Variants in FRMD4A observed in about 807,000 individuals in gnomAD.
The protein encoded by FRMD4A is FERM domain containing 4A, also known as FERM domain-containing protein 4A.
FRMD4A carries 29 observed loss-of-function variants against 129.1 expected under a neutral mutation model. That is an observed-to-expected ratio of 0.22 (90% confidence interval 0.17 to 0.31). The LOEUF is 0.31. FRMD4A is among the 10% of genes least tolerant of loss of function. The probability of loss-of-function intolerance (pLI) is 1.00; values close to 1 mark genes in which losing one functional copy is unlikely to be tolerated. For synonymous variants in FRMD4A, 634 were observed against 571.6 expected, an observed-to-expected ratio of 1.11 and a Z score of -1.56; for missense variants, 1,272 against 1,375.8, an observed-to-expected ratio of 0.92 and a Z score of 1.19.
chr10:13,659,361 G>A lies in FRMD4A; in HGVS notation c.2028C>T (p.Asp676=), dbSNP rs375459843. The A allele has an allele frequency of 6.2e-7, 1 of 1,614,178 alleles. No homozygotes were observed. The highest frequency in any genetic ancestry group is 2.2e-5 in the East Asian group (1 of 44,886). ...CGTAGTGGGGACTCCGGACCCGCAG[G>A]TCTGGCGTGGACGGCATGCTGGACT... is the stretch of plus-strand genomic sequence containing the variant. The part of the protein sequence containing the change: ...NSQSSMPSTP[D]LRVRSPHYVH... The change falls in exon 21 of 25, where the codon GAC becomes GAT. Residue 676 remains aspartate, a synonymous_variant. Transcript: ENST00000357447.
chr10:13,981,696 G>A (rs1298104247), intron 2 of FRMD4A, among the ~76,000 whole-genome samples: 3 of 141,302 alleles, frequency 2.1e-5, no homozygotes, highest in East Asian at 4.1e-4. Flanking sequence ...CCGAGATCAC[G>A]CCATTGCACT....
chr10:13,683,520 C>A (rs780091895), intron 15 of FRMD4A, among the ~76,000 whole-genome samples: 2 of 151,940 alleles, frequency 1.3e-5, no homozygotes, highest in Non-Finnish European at 2.9e-5. Context: ...TCCCTTGAAT[C>A]CGGGAGTTTG....
chr10:13,836,846 C>G (rs1362349373), intron 3 of FRMD4A, among the ~76,000 whole-genome samples: 1 of 150,960 alleles, frequency 6.6e-6, no homozygotes, highest in Admixed American at 6.6e-5. Flanking sequence ...CAAGCTCTGC[C>G]TCCTGGGTTC....
At chr10:14,181,698 T>C (rs997543950) in intron 2 of FRMD4A, among the ~76,000 whole-genome samples, 3 of 152,178 alleles carry the variant, frequency 2.0e-5, no homozygotes, top group African/African-American at 4.8e-5. Context: ...TACCATGAAT[T>C]TTTTTTATTT....
At chr10:13,875,206 G>T (rs1018690870) in intron 2 of FRMD4A, among the ~76,000 whole-genome samples, 2 of 152,160 alleles carry the variant, frequency 1.3e-5, no homozygotes, top group African/African-American at 4.8e-5. Context: ...ACAAAGAAGG[G>T]GGAGCTAATC....
Position 14,240,698 on chromosome 10 carries a change from T to C in FRMD4A, c.45+89360A>G, listed in dbSNP as rs144210485. Among the ~76,000 whole-genome samples, 432 of 152,320 alleles carry C rather than the reference T, an allele frequency of 2.8e-3. 2 individuals are homozygous for C. Among genetic ancestry groups the C allele is most frequent in the Non-Finnish European group, 4.6e-3 (313 of 68,028 alleles). On this transcript the variant is annotated intron_variant, in intron 2 of 24. Coordinates refer to ENST00000357447, the MANE Select transcript of FRMD4A (RefSeq NM_018027.5). ...ATTGAAACTGCCATTCGGAAGCTAT[T>C]GCACCTTCCACACAGGCAGTGAAAA...
At chr10:13,824,731 A>G (rs564796404) in intron 3 of FRMD4A, among the ~76,000 whole-genome samples, 4 of 151,902 alleles carry the variant, frequency 2.6e-5, no homozygotes, top group African/African-American at 9.7e-5. Flanking sequence ...CGTCTCTACT[A>G]AAAATACAAA....
intron 2 of FRMD4A, among the ~76,000 whole-genome samples, chr10:13,967,318 C>A (rs933990800): frequency 5.3e-5 from 8 of 151,422 alleles, no homozygotes. Context: ...GCCTGGGCGA[C>A]AGAGCGAGAC....
At chr10:14,207,782 T>C (rs1842828049) in intron 2 of FRMD4A, among the ~76,000 whole-genome samples, 1 of 152,036 alleles carries the variant, frequency 6.6e-6, no homozygotes, top group Admixed American at 6.6e-5. Flanking sequence ...GTGGGGTTAC[T>C]AGTGTTTTTT....
At chr10:13,663,265 G>A (rs1184327997) in intron 19 of FRMD4A, among the ~76,000 whole-genome samples, 188 bp downstream of exon 19, 1 of 150,652 alleles carries the variant, frequency 6.6e-6, no homozygotes, top group Non-Finnish European at 1.5e-5. Context: ...AATACACATG[G>A]GTTTATGCAG....
At position 13,968,556 on chromosome 10, in the gene FRMD4A, G is replaced by A. The variant is rs141267494; in HGVS notation, c.46-109644C>T. Among the ~76,000 whole-genome samples the A allele has an allele frequency of 7.9e-3, 1,205 of 152,280 alleles. 5 individuals are homozygous for A. The highest frequency in any genetic ancestry group is 0.012 in the Non-Finnish European group (814 of 68,016). On this transcript the variant is annotated intron_variant, in intron 2 of 24. Transcript: ENST00000357447. The stretch of plus-strand genomic sequence containing the variant: ...CAACCTCCACCTCCTGGGTTCAAGC[G>A]ATTCTCCCGCCTCAGCCTCCCGAGT...
At chr10:13,763,010 A>C (rs4748055) in intron 6 of FRMD4A, among the ~76,000 whole-genome samples, 107,659 of 151,992 alleles carry the variant, frequency 0.71, 39,501 homozygotes, top group East Asian at 0.96. Flanking sequence ...AAAAAGCCTT[A>C]TTTTCTGAGG....
At position 14,077,598 on chromosome 10, in the gene FRMD4A, T is replaced by C. The variant is rs11258853; in HGVS notation, c.46-218686A>G. Among the ~76,000 whole-genome samples the C allele has an allele frequency of 2.6e-4, 39 of 152,274 alleles. No homozygotes were observed. The East Asian group carries it at 6.8e-3, about 26-fold the overall frequency. ...TGAGTGGTGAGCGTTTTCCTTGCCCTGCTATTAAGAGGTCACTCGTGTCAA... is the reference window on the plus strand; with the variant it reads ...TGAGTGGTGAGCGTTTTCCTTGCCCCGCTATTAAGAGGTCACTCGTGTCAA... On this transcript the variant is annotated intron_variant, in intron 2 of 24. Transcript: ENST00000357447.
intron 2 of FRMD4A, among the ~76,000 whole-genome samples, chr10:14,031,751 C>T (rs979187731): frequency 6.6e-6 from 1 of 152,152 alleles, no homozygotes; most frequent in African/African-American, 2.4e-5. Context: ...ATGTTCTGCA[C>T]TTTGGACAAC....
At chr10:14,217,600 G>C (rs776998478) in intron 2 of FRMD4A, among the ~76,000 whole-genome samples, 7 of 152,048 alleles carry the variant, frequency 4.6e-5, no homozygotes, top group Admixed American at 2.6e-4. Context: ...GTCTCTATCA[G>C]CAGCATGAAA....
At position 13,738,224 on chromosome 10, in the gene FRMD4A, G is replaced by GCT. The variant is rs374408556; in HGVS notation, c.673-296_673-295dup. ...AATAAGGAATGAATGCCCTGCTTGC[G>GCT]CTCTCTCTCTCTCTTTTTTTTCCTT... On this transcript the variant is annotated intron_variant, in intron 11 of 24. Transcript: ENST00000357447. 1.5e-3 allele frequency among the ~76,000 whole-genome samples: 230 copies of GCT among 151,980 alleles called. 1 individual carries two copies. The highest frequency in any genetic ancestry group is 5.2e-3 in the African/African-American group (217 of 41,466).
At chr10:13,790,616 A>G (rs987654773) in intron 5 of FRMD4A, among the ~76,000 whole-genome samples, 4 of 152,158 alleles carry the variant, frequency 2.6e-5, no homozygotes, top group African/African-American at 9.7e-5. Context: ...GCATGTTCGA[A>G]TGAGCCCAGA....
intron 2 of FRMD4A, among the ~76,000 whole-genome samples, chr10:14,033,821 G>GAAAGAAAAA (rs1418260133): frequency 1.0e-4 from 15 of 145,958 alleles, no homozygotes; most frequent in African/African-American, 3.8e-4. Flanking sequence ...AGAAAGAAAA[G>GAAAGAAAAA]AAAGAAAAAA....
chr10:13,854,955 G>A (rs1053545692), intron 3 of FRMD4A, among the ~76,000 whole-genome samples: 4 of 152,178 alleles, frequency 2.6e-5, no homozygotes, highest in African/African-American at 9.7e-5. Flanking sequence ...TGGTAAAGAC[G>A]TGGGTGTCAG....
Sources: gnomAD v4.1 joint callset for allele counts (sites outside exome capture counted in the v4.1 genomes callset) on GRCh38, gnomAD v4.1.1 for gene constraint, MANE v1.5 for transcripts, NCBI Gene and HGNC (gene_info 2026-07-23, HGNC 2026-07-21) for gene names.